The following KDM2B variants were observed in gnomAD, a reference collection of about 807,000 sequenced individuals.
KDM2B encodes lysine demethylase 2B.
Under a neutral mutation model 150.0 loss-of-function variants are expected in KDM2B, and 26 were observed. The ratio of observed to expected loss-of-function variants is 0.17; its 90% CI spans 0.13 to 0.24. The LOEUF (loss-of-function observed/expected upper bound fraction) is 0.24. Among genes scored for constraint, KDM2B ranks in the 10% least tolerant of loss-of-function variants. KDM2B has a pLI of 1.00. For missense variants in KDM2B, 1,265 were observed against 1,816.9 expected (o/e 0.70, Z 5.52); for synonymous variants, 734 against 729.5 (o/e 1.01, Z -0.10).
intron 4 of KDM2B, among the ~76,000 whole-genome samples, chr12:121,562,733 C>T (rs548869089): frequency 2.0e-5 from 3 of 151,832 alleles, no homozygotes; most frequent in Non-Finnish European, 4.4e-5. Context: ...ATAACATGGG[C>T]TTTGAAGACA....
At chr12:121,495,170 T>C (rs1234655677) in intron 11 of KDM2B, among the ~76,000 whole-genome samples, 2 of 151,902 alleles carry the variant, frequency 1.3e-5, no homozygotes, top group Non-Finnish European at 2.9e-5. Flanking sequence ...CTAAATTTTT[T>C]TTTTTTTTTT....
At position 121,467,360 on chromosome 12, in the gene KDM2B, C is replaced by G; in HGVS notation, c.1735-14016G>C. 1.0e-6 allele frequency: 1 copy of G among 981,144 alleles called. No homozygotes were observed. Among genetic ancestry groups the G allele is most frequent in the Non-Finnish European group, 1.2e-6 (1 of 828,170 alleles). 60.8% of individuals were successfully genotyped at this position (981,144 alleles called of 1,614,324 possible). The stretch of plus-strand genomic sequence containing the variant: ...GCCGCGAGGAGGGAGCCGCGCCGCG[C>G]GCCTCGCACGCCCGCGCTGGAGGGG... On this transcript the variant is annotated intron_variant, in intron 12 of 22. Transcript: ENST00000377071. This position sits in a 1 kb window ranked among gnomAD's most constrained non-coding sequence, Gnocchi z 5.1.
intron 12 of KDM2B, among the ~76,000 whole-genome samples, chr12:121,492,840 GAAA>G (rs781842497): frequency 4.0e-4 from 58 of 143,790 alleles, no homozygotes; most frequent in Non-Finnish European, 7.0e-4. Flanking sequence ...AAAAAAAAAA[GAAA>G]AAAAAAGAAA....
chr12:121,427,544 T>TAAATA (rs1162321418), downstream of KDM2B, among the ~76,000 whole-genome samples: 2 of 152,004 alleles, frequency 1.3e-5, no homozygotes, highest in African/African-American at 4.8e-5. Flanking sequence ...TGTCTCAAAA[T>TAAATA]AAATAAAATA....
chr12:121,433,965 G>T (rs1555286119), intron 22 of KDM2B, among the ~76,000 whole-genome samples: 1 of 152,022 alleles, frequency 6.6e-6, no homozygotes, highest in African/African-American at 2.4e-5. Context: ...GATCACTTGA[G>T]CCTAGGAGTT....
chr12:121,556,881 C>G lies in KDM2B; in HGVS notation c.398-7243G>C, dbSNP rs1889938751. 2.6e-5 allele frequency among the ~76,000 whole-genome samples: 4 copies of G among 151,608 alleles called. No homozygotes were observed. The South Asian group carries it at 8.3e-4, about 32-fold the overall frequency. On this transcript the variant is annotated intron_variant, in intron 4 of 22. Coordinates refer to ENST00000377071, the MANE Select transcript of KDM2B (RefSeq NM_032590.5). Reference sequence around the variant, plus strand: ...AAAAAAAAAAAAATCCAACCTCAGGCATTCCTTTATAGCAACACAAAGTGA... The same window carrying G: ...AAAAAAAAAAAAATCCAACCTCAGGGATTCCTTTATAGCAACACAAAGTGA...
At chr12:121,446,335 T>A (rs1593769864) in intron 13 of KDM2B, among the ~76,000 whole-genome samples, 1 of 152,064 alleles carries the variant, frequency 6.6e-6, no homozygotes, top group African/African-American at 2.4e-5. Flanking sequence ...AAGACAGAGG[T>A]TGCAGTGAGC....
Position 121,549,445 on chromosome 12 carries a change from G to C in KDM2B, c.576+15C>G. 1.3e-6 allele frequency: 2 copies of C among 1,571,418 alleles called. No homozygotes were observed. The highest frequency in any genetic ancestry group is 1.7e-6 in the Non-Finnish European group (2 of 1,151,456). On this transcript the variant is annotated intron_variant, in intron 5 of 22. Coordinates refer to ENST00000377071, the MANE Select transcript of KDM2B (RefSeq NM_032590.5). This position sits in a 1 kb window ranked among gnomAD's most constrained non-coding sequence, Gnocchi z 4.4. ...TGGAAGGTATCTGGGGAGGGTACCT[G>C]GGCCCCGGACCTACCACAGTCGGAC...
chr12:121,439,759 C>T (rs7962571), intron 22 of KDM2B, 98 bp downstream of exon 22: 36,890 of 874,622 alleles, frequency 0.042, 2,220 homozygotes, highest in African/African-American at 0.22. Context: ...AGCACTGTGA[C>T]CACATAGCTG....
chr12:121,470,170 AAT>A (rs1880619828), intron 12 of KDM2B: 1 of 152,034 alleles, frequency 6.6e-6, no homozygotes, highest in Non-Finnish European at 1.5e-5. Flanking sequence ...TCCCATTACC[AAT>A]CAGGAGCAAA....
Position 121,442,617 on chromosome 12 carries a change from G to A in KDM2B, c.2824C>T (p.Pro942Ser). 1.2e-6 allele frequency: 2 copies of A among 1,602,482 alleles called. No homozygotes were observed. The highest frequency in any genetic ancestry group is 1.7e-6 in the Non-Finnish European group (2 of 1,179,308). ...KVKMRRKRRL[P>S]NKELSRELSK... The stretch of plus-strand genomic sequence containing the variant: ...AGCTCCCTGCTCAGCTCCTTGTTGG[G>A]AAGCCGCCGCTTCCGGCGCATCTTC... The change falls in exon 19 of 23, where the codon CCC becomes TCC. Residue 942 changes from proline (P) to serine (S), a missense_variant. By Grantham distance (74) the Pro-to-Ser change is moderately conservative (BLOSUM62 -1). Coordinates refer to ENST00000377071, the MANE Select transcript of KDM2B (RefSeq NM_032590.5). This position sits in a 1 kb window ranked among gnomAD's most constrained non-coding sequence, Gnocchi z 7.7.
intron 12 of KDM2B, among the ~76,000 whole-genome samples, chr12:121,464,024 G>A (rs1355578604): frequency 6.6e-6 from 1 of 151,550 alleles, no homozygotes; most frequent in East Asian, 1.9e-4. Context: ...AGAAGTTCAA[G>A]ACCAGCCTGG....
intron 22 of KDM2B, among the ~76,000 whole-genome samples, chr12:121,434,245 C>G (rs1873568950): frequency 6.6e-6 from 1 of 151,528 alleles, no homozygotes; most frequent in Admixed American, 6.6e-5. Context: ...GGAATAGAAT[C>G]AAGAGCTCGG....
intron 12 of KDM2B, among the ~76,000 whole-genome samples, chr12:121,475,894 T>C (rs1022582307): frequency 1.3e-5 from 2 of 151,156 alleles, no homozygotes; most frequent in Non-Finnish European, 2.9e-5. Context: ...CCAGGGGCAG[T>C]GGCTCACACC....
intron 9 of KDM2B, among the ~76,000 whole-genome samples, chr12:121,517,307 C>G (rs774626164): frequency 6.6e-6 from 1 of 152,028 alleles, no homozygotes; most frequent in Admixed American, 6.6e-5. Flanking sequence ...TGTATATGTT[C>G]GTGCCACCTC....
chr12:121,570,631 A>G (rs1891026244), intron 4 of KDM2B, among the ~76,000 whole-genome samples: 1 of 152,230 alleles, frequency 6.6e-6, no homozygotes. Context: ...CTCACTGCAT[A>G]GCCACTAGCA....
chr12:121,508,534 C>T (rs891850618), intron 11 of KDM2B, among the ~76,000 whole-genome samples: 2 of 152,218 alleles, frequency 1.3e-5, no homozygotes, highest in African/African-American at 4.8e-5. Context: ...CAGGAGGCAG[C>T]TAGCTGGCTT....
intron 4 of KDM2B, among the ~76,000 whole-genome samples, chr12:121,572,822 A>ATTT (rs33946368): frequency 1.0e-5 from 1 of 100,200 alleles, no homozygotes; most frequent in Admixed American, 1.1e-4. Flanking sequence ...ACCTGGATAA[A>ATTT]TTTTTTTTTT....
intron 12 of KDM2B, among the ~76,000 whole-genome samples, chr12:121,476,617 GA>G (rs1429715456): frequency 6.6e-6 from 1 of 152,126 alleles, no homozygotes; most frequent in African/African-American, 2.4e-5. Context: ...CTGAAACAAA[GA>G]GATAGTTCAA....
Sources: allele counts gnomAD v4.1 joint callset (sites outside exome capture counted in the v4.1 genomes callset), GRCh38; gene constraint gnomAD v4.1.1; non-coding constraint Gnocchi (gnomAD v3.1); transcripts MANE v1.5; gene names NCBI Gene and HGNC (gene_info 2026-07-23, HGNC 2026-07-21).